Variants in MTMR12 observed in about 807,000 individuals in gnomAD.
The protein encoded by MTMR12 is myotubularin related protein 12.
A neutral mutation model predicts 96.7 loss-of-function variants in MTMR12; 33 were observed. The observed-to-expected ratio is 0.34, with a 90% CI of 0.26 to 0.46. The LOEUF is 0.46. Ranked by LOEUF, MTMR12 falls within the 20% of genes least tolerant of loss-of-function variation. MTMR12 has a pLI of 1.00. For synonymous variants in MTMR12, 298 were observed against 327.2 expected (o/e 0.91, Z 0.96); for missense variants, 721 against 896.1 (o/e 0.80, Z 2.49).
At chr5:32,269,287 A>G (rs1000451810) in intron 5 of MTMR12, among the ~76,000 whole-genome samples, 5 of 151,872 alleles carry the variant, frequency 3.3e-5, no homozygotes, top group African/African-American at 1.2e-4. Flanking sequence ...TCAGCCTCCC[A>G]AAGTGCTGGA....
Position 32,247,408 on chromosome 5 carries a change from G to A in MTMR12, c.1021+594C>T, listed in dbSNP as rs116037516. Reference sequence around the variant, plus strand: ...CTATAGGCATGACAAATCTCAGAGCGTAAAGACTCATTCCAGAATGAAGAG... The same window carrying A: ...CTATAGGCATGACAAATCTCAGAGCATAAAGACTCATTCCAGAATGAAGAG... On this transcript the variant is annotated intron_variant, in intron 10 of 15. Transcript: ENST00000382142. Among the ~76,000 whole-genome samples, 713 of 152,228 alleles carry A rather than the reference G, an allele frequency of 4.7e-3. 6 individuals carry two copies. The highest frequency in any genetic ancestry group is 0.016 in the African/African-American group (682 of 41,534).
At chr5:32,302,492 G>C (rs548170819) in intron 1 of MTMR12, among the ~76,000 whole-genome samples, 10 of 152,144 alleles carry the variant, frequency 6.6e-5, no homozygotes, top group African/African-American at 9.7e-5. Context: ...GCCGAGGTGG[G>C]TAGATCACAA....
Position 32,233,256 on chromosome 5 carries a change from G to C in MTMR12, c.1674+517C>G, listed in dbSNP as rs1047194971. ...AGGAATAAAGAATGGCTACTCCAAGGGCAGAGCAGACTAAGGCTTCTTTTG... is the reference window on the plus strand; with the variant it reads ...AGGAATAAAGAATGGCTACTCCAAGCGCAGAGCAGACTAAGGCTTCTTTTG... On this transcript the variant is annotated intron_variant, in intron 15 of 15. Transcript: ENST00000382142. This position sits in a 1 kb window ranked among gnomAD's most constrained non-coding sequence, Gnocchi z 5.0. Among the ~76,000 whole-genome samples, 2 of 151,860 alleles carry C rather than the reference G, an allele frequency of 1.3e-5. No homozygotes were observed. Among genetic ancestry groups the C allele is most frequent in the African/African-American group, 4.8e-5 (2 of 41,332 alleles).
chr5:32,290,944 G>A (rs979403689), intron 1 of MTMR12, among the ~76,000 whole-genome samples: 3 of 152,208 alleles, frequency 2.0e-5, no homozygotes, highest in Admixed American at 1.3e-4. Flanking sequence ...TGCCCATCAT[G>A]AATTGGGCAC....
chr5:32,311,057 T>C (rs768814575), intron 1 of MTMR12, among the ~76,000 whole-genome samples: 6 of 152,086 alleles, frequency 3.9e-5, no homozygotes, highest in Non-Finnish European at 8.8e-5. Flanking sequence ...GGTTTCACCA[T>C]GTTGGCCAGG....
At chr5:32,254,326 T>C (rs1310706829) in intron 8 of MTMR12, among the ~76,000 whole-genome samples, 1 of 152,158 alleles carries the variant, frequency 6.6e-6, no homozygotes, top group Non-Finnish European at 1.5e-5. Context: ...AAAGCAGTGG[T>C]GGTAAAATTG....
chr5:32,308,132 G>T (rs1751427863), intron 1 of MTMR12, among the ~76,000 whole-genome samples: 1 of 152,114 alleles, frequency 6.6e-6, no homozygotes. Flanking sequence ...GACCAGCCTG[G>T]CCAATATGGT....
At chr5:32,268,895 G>T in intron 5 of MTMR12, 101 bp from the exon 6 acceptor site, 1 of 847,312 alleles carries the variant, frequency 1.2e-6, no homozygotes, top group Non-Finnish European at 2.0e-6. Flanking sequence ...TGCCAAAGGG[G>T]TTCCAATGGA....
intron 1 of MTMR12, among the ~76,000 whole-genome samples, chr5:32,278,269 A>AAC (rs1750136921): frequency 6.6e-6 from 1 of 152,252 alleles, no homozygotes; most frequent in Non-Finnish European, 1.5e-5. Flanking sequence ...ATGTATCAGA[A>AAC]ACACTGGGAC....
At chr5:32,287,850 T>C (rs1750599074) in intron 1 of MTMR12, among the ~76,000 whole-genome samples, 1 of 152,188 alleles carries the variant, frequency 6.6e-6, no homozygotes, top group African/African-American at 2.4e-5. Flanking sequence ...CTATACATAA[T>C]ACCTTTGACC....
At chr5:32,246,170 G>GTTGTTTTTTTTTTGTT (rs1748675176) in intron 10 of MTMR12, among the ~76,000 whole-genome samples, 3 of 82,770 alleles carry the variant, frequency 3.6e-5, no homozygotes, top group Non-Finnish European at 2.7e-5. Flanking sequence ...TGAGTAGACA[G>GTTGTTTTTTTTTTGTT]TTTTTTTTTT....
At chr5:32,307,246 C>T (rs1261961206) in intron 1 of MTMR12, among the ~76,000 whole-genome samples, 1 of 152,120 alleles carries the variant, frequency 6.6e-6, no homozygotes. Flanking sequence ...CTTATGGCTT[C>T]TGAAATAATT....
Position 32,229,999 on chromosome 5 carries a change from G to A in MTMR12, c.2023C>T (p.Gln675Ter). 1 of 1,613,272 alleles carries A rather than the reference G, an allele frequency of 6.2e-7. No individual in the cohort carries two copies. Among genetic ancestry groups the A allele is most frequent in the Non-Finnish European group, 8.5e-7 (1 of 1,179,312 alleles). The change falls in exon 16 of 16, where the codon CAA becomes TAA. Residue 675 changes from glutamine (Q) to a stop codon, truncating the protein, a stop_gained. Coordinates refer to ENST00000382142, the MANE Select transcript of MTMR12 (RefSeq NM_001040446.3). LOFTEE classifies it high-confidence loss of function. ...TGGTGTCTCTCGTCGATCTTCTCTT[G>A]TAAACTCTGGACTTCCTCCATCATT... Reference protein sequence around the residue: ...LEMMEEVQSLQEKIDERHHSQ... With the variant: ...LEMMEEVQSL
At position 32,228,560 on chromosome 5, in the gene MTMR12, TATATATATC is replaced by T. The variant is rs199992273; in HGVS notation, c.*1209_*1217del. On this transcript the variant is annotated 3_prime_UTR_variant, in exon 16 of 16. Transcript: ENST00000382142. ...ATATATATATCATATATATGTGATA[TATATATATC>T]ATATATATATCATATATATGTGATA... The T allele has an allele frequency of 0.012, 1,647 of 133,788 alleles. 69 individuals carry two copies. Among genetic ancestry groups the T allele is most frequent in the African/African-American group, 0.05 (1,576 of 31,590 alleles). 8.3% of individuals were successfully genotyped at this position (133,788 alleles called of 1,614,324 possible).
At position 32,263,238 on chromosome 5, in the gene MTMR12, A is replaced by G; in HGVS notation, c.588T>C (p.Thr196=). 1 of 1,613,922 alleles carries G rather than the reference A, an allele frequency of 6.2e-7. No individual in the cohort carries two copies. Among genetic ancestry groups the G allele is most frequent in the Non-Finnish European group, 8.5e-7 (1 of 1,179,940 alleles). Residue 196 remains threonine, a synonymous_variant, in exon 7 of 16, where the codon ACT becomes ACC. Transcript: ENST00000382142. The part of the protein sequence containing the change: ...YATAAQNNTV[T]DPKNHTVMFD... ...ACATTACGGTATGGTTCTTGGGATC[A>G]GTGACTAAGAGAACAAAATGTAAAA... is the stretch of plus-strand genomic sequence containing the variant.
chr5:32,307,609 T>C (rs1256748287), intron 1 of MTMR12, among the ~76,000 whole-genome samples: 1 of 152,204 alleles, frequency 6.6e-6, no homozygotes, highest in African/African-American at 2.4e-5. Context: ...TGGTTTTAAC[T>C]GTCACATTCA....
intron 2 of MTMR12, among the ~76,000 whole-genome samples, chr5:32,274,581 T>G (rs772517941): frequency 6.6e-6 from 1 of 152,150 alleles, no homozygotes; most frequent in Non-Finnish European, 1.5e-5. Context: ...CAGCTTCTAA[T>G]ACTGGAAGTG....
At chr5:32,299,055 GCACACA>G (rs1177859898) in intron 1 of MTMR12, among the ~76,000 whole-genome samples, 1 of 149,076 alleles carries the variant, frequency 6.7e-6, no homozygotes, top group Admixed American at 6.7e-5. Flanking sequence ...ACATGAATGC[GCACACA>G]CACACACATA....
At chr5:32,268,403 G>C (rs1241983780) in intron 6 of MTMR12, among the ~76,000 whole-genome samples, 1 of 151,900 alleles carries the variant, frequency 6.6e-6, no homozygotes, top group Non-Finnish European at 1.5e-5. Context: ...AGTTATTCAG[G>C]AGGCTGAGGC....
Sources: gnomAD v4.1 joint callset for allele counts (sites outside exome capture counted in the v4.1 genomes callset) on GRCh38, gnomAD v4.1.1 for gene constraint, Gnocchi (gnomAD v3.1) non-coding constraint, MANE v1.5 for transcripts, NCBI Gene and HGNC (gene_info 2026-07-23, HGNC 2026-07-21) for gene names.